Variants in LRRTM4 observed in about 807,000 individuals in gnomAD.
LRRTM4 encodes the protein leucine rich repeat transmembrane neuronal 4.
In LRRTM4, 25 loss-of-function variants were observed where a neutral mutation model predicts 47.6. The ratio of observed to expected loss-of-function variants is 0.53; its 90% CI spans 0.38 to 0.73. The LOEUF (loss-of-function observed/expected upper bound fraction) is 0.73. Ranked by LOEUF, LRRTM4 falls within the 30% of genes least tolerant of loss-of-function variation. The pLI, the probability that LRRTM4 is intolerant of heterozygous loss-of-function variation, is 0.00. For synonymous variants in LRRTM4, 311 were observed against 269.5 expected (o/e 1.15, Z -1.51); for missense variants, 638 against 713.4 (o/e 0.89, Z 1.20).
chr2:76,968,338 GTGTATA>G (rs1676097161), intron 3 of LRRTM4, among the ~76,000 whole-genome samples: 1 of 89,832 alleles, frequency 1.1e-5, no homozygotes, highest in Non-Finnish European at 2.2e-5. Flanking sequence ...GTGTGTATGT[GTGTATA>G]TATATATATA....
intron 3 of LRRTM4, among the ~76,000 whole-genome samples, chr2:77,122,596 A>T (rs933218070): frequency 2.6e-5 from 4 of 151,442 alleles, no homozygotes; most frequent in African/African-American, 9.7e-5. Context: ...GGACATGCAC[A>T]CACCATTTCT....
intron 3 of LRRTM4, among the ~76,000 whole-genome samples, chr2:77,281,932 T>C (rs1371007309): frequency 6.6e-6 from 1 of 151,838 alleles, no homozygotes; most frequent in Non-Finnish European, 1.5e-5. Flanking sequence ...ATCATTCACA[T>C]TGTAGATTTT....
chr2:76,810,019 A>G (rs918124863), intron 3 of LRRTM4, among the ~76,000 whole-genome samples: 9 of 152,170 alleles, frequency 5.9e-5, no homozygotes, highest in African/African-American at 2.2e-4. Flanking sequence ...ATTTCTTCAT[A>G]GCATGTATCA....
intron 3 of LRRTM4, among the ~76,000 whole-genome samples, chr2:77,471,869 C>A (rs1158836369): frequency 6.6e-6 from 1 of 152,156 alleles, no homozygotes; most frequent in African/African-American, 2.4e-5. Flanking sequence ...CACACATATA[C>A]AGTTTATCTA....
At chr2:77,169,989 T>C (rs12621843) in intron 3 of LRRTM4, among the ~76,000 whole-genome samples, 97,330 of 151,998 alleles carry the variant, frequency 0.64, 31,149 homozygotes, top group South Asian at 0.68. Flanking sequence ...GAAAATTATC[T>C]GTGTGAATTC....
chr2:77,448,576 A>G (rs985773764), intron 3 of LRRTM4, among the ~76,000 whole-genome samples: 2 of 151,878 alleles, frequency 1.3e-5, no homozygotes, highest in Non-Finnish European at 2.9e-5. Flanking sequence ...AGAACTGGGA[A>G]GTTCATTTAC....
At chr2:77,296,729 C>G (rs574263184) in intron 3 of LRRTM4, among the ~76,000 whole-genome samples, 6 of 152,270 alleles carry the variant, frequency 3.9e-5, no homozygotes, top group South Asian at 4.1e-4. Context: ...AGGAATTGCA[C>G]TCCCCAGAGT....
At chr2:77,286,522 T>A (rs1676664280) in intron 3 of LRRTM4, among the ~76,000 whole-genome samples, 2 of 151,866 alleles carry the variant, frequency 1.3e-5, no homozygotes, top group African/African-American at 4.8e-5. Context: ...ATCTACTATT[T>A]TAGCATTATA....
At chr2:77,355,946 A>T (rs1671950083) in intron 3 of LRRTM4, among the ~76,000 whole-genome samples, 1 of 152,208 alleles carries the variant, frequency 6.6e-6, no homozygotes, top group Non-Finnish European at 1.5e-5. Context: ...CAAAAAAATT[A>T]GCTGGGCATT....
chr2:77,485,946 C>T (rs112065317), intron 3 of LRRTM4, among the ~76,000 whole-genome samples: 31 of 151,568 alleles, frequency 2.0e-4, no homozygotes, highest in African/African-American at 6.3e-4. Context: ...CCATGTTTGC[C>T]CAGGCGGGTC....
intron 3 of LRRTM4, among the ~76,000 whole-genome samples, chr2:77,064,249 A>C (rs987275727): frequency 4.6e-5 from 7 of 152,190 alleles, no homozygotes; most frequent in African/African-American, 1.4e-4. Context: ...GCATAAGCTT[A>C]AAGAAGTGAT....
chr2:77,069,228 G>A (rs140340910), intron 3 of LRRTM4, among the ~76,000 whole-genome samples: 89 of 152,218 alleles, frequency 5.8e-4, no homozygotes, highest in African/African-American at 2.0e-3. Flanking sequence ...CTCCCCGACC[G>A]AGTTGGTCTC....
At chr2:77,125,618 T>G (rs1009300920) in intron 3 of LRRTM4, among the ~76,000 whole-genome samples, 2 of 152,212 alleles carry the variant, frequency 1.3e-5, no homozygotes, top group African/African-American at 2.4e-5. Context: ...CGTTGTTATC[T>G]AATTGTGCTT....
chr2:76,919,180 G>T (rs988068896), intron 3 of LRRTM4, among the ~76,000 whole-genome samples: 1 of 152,076 alleles, frequency 6.6e-6, no homozygotes, highest in African/African-American at 2.4e-5. Context: ...TATTTTTGGT[G>T]GGGGGAGGTT....
intron 3 of LRRTM4, among the ~76,000 whole-genome samples, chr2:77,018,239 T>G (rs1678140935): frequency 6.7e-6 from 1 of 148,724 alleles, no homozygotes; most frequent in South Asian, 2.1e-4. Context: ...CTTAACCATG[T>G]AATGCTAAGC....
At chr2:77,252,845 A>C (rs1328448729) in intron 3 of LRRTM4, among the ~76,000 whole-genome samples, 2 of 152,158 alleles carry the variant, frequency 1.3e-5, no homozygotes, top group African/African-American at 4.8e-5. Flanking sequence ...TGGATGTTAG[A>C]AGTCTAAGTT....
intron 3 of LRRTM4, among the ~76,000 whole-genome samples, chr2:77,011,014 A>C (rs1677850717): frequency 6.6e-6 from 1 of 152,152 alleles, no homozygotes; most frequent in Non-Finnish European, 1.5e-5. Context: ...GAGATATTAA[A>C]GGTAATGACC....
chr2:77,358,912 C>T (rs1054339511), intron 3 of LRRTM4, among the ~76,000 whole-genome samples: 2 of 152,228 alleles, frequency 1.3e-5, no homozygotes, highest in African/African-American at 4.8e-5. Context: ...TTTAAATTAT[C>T]TCTCTTGAAA....
intron 3 of LRRTM4, among the ~76,000 whole-genome samples, chr2:77,222,438 A>T (rs1363867048): frequency 1.3e-5 from 2 of 152,198 alleles, no homozygotes; most frequent in African/African-American, 4.8e-5. Flanking sequence ...TGAAAAGATC[A>T]ACAAAATTGA....
Sources: gnomAD v4.1 joint callset for allele counts (sites outside exome capture counted in the v4.1 genomes callset) on GRCh38, gnomAD v4.1.1 for gene constraint, MANE v1.5 for transcripts, NCBI Gene and HGNC (gene_info 2026-07-23, HGNC 2026-07-21) for gene names.